The following SLC25A21 variants were observed in gnomAD, a reference collection of about 807,000 sequenced individuals.
SLC25A21 encodes solute carrier family 25 member 21.
SLC25A21 carries 47 observed loss-of-function variants against 43.8 expected under a neutral mutation model. That is an observed-to-expected ratio of 1.07 (90% confidence interval 0.85 to 1.37). The LOEUF (loss-of-function observed/expected upper bound fraction) is 1.37. Ranked by LOEUF, SLC25A21 falls within the 40% of genes most tolerant of loss-of-function variation. The pLI is 0.00. For missense variants in SLC25A21, 352 were observed against 350.2 expected (o/e 1.00, Z -0.04); for synonymous variants, 131 against 121.3 (o/e 1.08, Z -0.52).
intron 3 of SLC25A21, among the ~76,000 whole-genome samples, chr14:36,768,973 A>ATACCTG: frequency 6.7e-6 from 1 of 148,490 alleles, no homozygotes; most frequent in East Asian, 2.0e-4. Flanking sequence ...ATCTATATCT[A>ATACCTG]TATCTATATC....
intron 1 of SLC25A21, among the ~76,000 whole-genome samples, chr14:37,088,414 T>C (rs551983944): frequency 5.0e-4 from 76 of 152,200 alleles, no homozygotes; most frequent in Non-Finnish European, 9.7e-4. Flanking sequence ...TTAAAGAGAC[T>C]ACAAAAACCT....
At chr14:36,982,043 C>G (rs887768508) in intron 1 of SLC25A21, among the ~76,000 whole-genome samples, 4 of 152,092 alleles carry the variant, frequency 2.6e-5, no homozygotes, top group Admixed American at 1.3e-4. Flanking sequence ...TAAGGTATGA[C>G]TATAGTGATC....
rs186541176 is a variant in SLC25A21, at chr14:36,835,584, C to T, written c.120-21583G>A. 2.7e-3 allele frequency among the ~76,000 whole-genome samples: 413 copies of T among 152,332 alleles called. 5 individuals are homozygous for T. Among genetic ancestry groups the T allele is most frequent in the African/African-American group, 9.5e-3 (394 of 41,574 alleles). ...AGTCTTAACACAAACGTTTAGCCCA[C>T]AGAAGAGGCACTCTCCCCAAAACAC... On this transcript the variant is annotated intron_variant, in intron 2 of 9. Transcript: ENST00000331299.
At chr14:37,057,713 A>C (rs1961861106) in intron 1 of SLC25A21, among the ~76,000 whole-genome samples, 1 of 152,218 alleles carries the variant, frequency 6.6e-6, no homozygotes, top group African/African-American at 2.4e-5. Flanking sequence ...GAATTTTCAA[A>C]GAAGTAGAAG....
chr14:36,757,564 C>T (rs921724843), intron 3 of SLC25A21, among the ~76,000 whole-genome samples: 2 of 152,168 alleles, frequency 1.3e-5, no homozygotes, highest in Non-Finnish European at 2.9e-5. Flanking sequence ...GCCTTTTGTA[C>T]TTAATTGATA....
intron 1 of SLC25A21, among the ~76,000 whole-genome samples, chr14:37,142,581 G>A (rs1005695557): frequency 6.6e-6 from 1 of 152,034 alleles, no homozygotes; most frequent in Non-Finnish European, 1.5e-5. Flanking sequence ...AGGCTGATCC[G>A]GAACTCCTGG....
chr14:36,863,174 C>G (rs1433825129), intron 2 of SLC25A21, among the ~76,000 whole-genome samples: 1 of 152,022 alleles, frequency 6.6e-6, no homozygotes, highest in Non-Finnish European at 1.5e-5. Flanking sequence ...TCTGGAGAAC[C>G]CCACTGACAG....
At chr14:37,015,812 A>C (rs1289597112) in intron 1 of SLC25A21, among the ~76,000 whole-genome samples, 1 of 152,020 alleles carries the variant, frequency 6.6e-6, no homozygotes, top group Non-Finnish European at 1.5e-5. Flanking sequence ...GCATTTTTTC[A>C]TGTGTTTTTT....
At chr14:37,134,189 C>A (rs886547353) in intron 1 of SLC25A21, among the ~76,000 whole-genome samples, 1 of 152,102 alleles carries the variant, frequency 6.6e-6, no homozygotes, top group African/African-American at 2.4e-5. Flanking sequence ...GAATAAAGAT[C>A]AGAATAACCA....
chr14:37,024,641 A>T (rs989443749), intron 1 of SLC25A21, among the ~76,000 whole-genome samples: 2 of 150,488 alleles, frequency 1.3e-5, no homozygotes, highest in African/African-American at 2.5e-5. Context: ...ATATTGCTTT[A>T]AAAAAAAACA....
chr14:37,021,898 A>G (rs1006229361), intron 1 of SLC25A21, among the ~76,000 whole-genome samples: 1 of 151,998 alleles, frequency 6.6e-6, no homozygotes, highest in Admixed American at 6.6e-5. Flanking sequence ...AACAAGCCCA[A>G]CAAAGTGTAT....
chr14:36,799,383 A>G (rs1165625462), intron 3 of SLC25A21, among the ~76,000 whole-genome samples: 1 of 152,200 alleles, frequency 6.6e-6, no homozygotes, highest in Admixed American at 6.6e-5. Context: ...TTTAAGGAGA[A>G]AGATGGAACA....
intron 7 of SLC25A21, among the ~76,000 whole-genome samples, chr14:36,706,729 A>G (rs1046557244): frequency 1.3e-5 from 2 of 152,066 alleles, no homozygotes; most frequent in Admixed American, 6.6e-5. Context: ...CCATCACCAC[A>G]TCCTGCAGAT....
chr14:36,751,924 T>C (rs79766174), intron 3 of SLC25A21, among the ~76,000 whole-genome samples: 137 of 152,344 alleles, frequency 9.0e-4, no homozygotes, highest in African/African-American at 3.2e-3. Context: ...TTGGAGTCTA[T>C]ATTTGGAATG....
chr14:36,843,252 G>A (rs1348348193), intron 2 of SLC25A21, among the ~76,000 whole-genome samples: 2 of 152,160 alleles, frequency 1.3e-5, no homozygotes, highest in African/African-American at 4.8e-5. Context: ...GCCAGAGAGG[G>A]AAGAAACTGG....
intron 1 of SLC25A21, among the ~76,000 whole-genome samples, chr14:37,062,622 G>A (rs1961973008): frequency 6.6e-6 from 1 of 152,140 alleles, no homozygotes; most frequent in African/African-American, 2.4e-5. Context: ...ACACTTCAGT[G>A]TATAACCAGG....
chr14:37,046,287 C>A (rs1205877511), intron 1 of SLC25A21, among the ~76,000 whole-genome samples: 2 of 152,128 alleles, frequency 1.3e-5, no homozygotes, highest in Non-Finnish European at 2.9e-5. Flanking sequence ...CATATATGAT[C>A]TCTTAATTGC....
rs146847255 is a variant in SLC25A21 at position 36,708,823 on chromosome 14, A to G, written c.603+2495T>C. ...CTGTCTCAACTCTTGGCCTCAAGCA[A>G]TCCTCCTGACTCAGCCTCCCGAAGT... is the stretch of plus-strand genomic sequence containing the variant. On this transcript the variant is annotated intron_variant, in intron 7 of 9. Transcript: ENST00000331299. 2.3e-3 allele frequency among the ~76,000 whole-genome samples: 339 copies of G among 149,292 alleles called. 4 individuals carry two copies. Among genetic ancestry groups the G allele is most frequent in the African/African-American group, 7.6e-3 (309 of 40,412 alleles).
chr14:36,746,130 A>G (rs190426065), intron 3 of SLC25A21, among the ~76,000 whole-genome samples: 30 of 152,264 alleles, frequency 2.0e-4, no homozygotes, highest in African/African-American at 7.0e-4. Flanking sequence ...AAAAAGCATC[A>G]TATCAAAAAG....
Sources: gnomAD v4.1 joint callset for allele counts (sites outside exome capture counted in the v4.1 genomes callset) on GRCh38, gnomAD v4.1.1 for gene constraint, MANE v1.5 for transcripts, NCBI Gene and HGNC (gene_info 2026-07-23, HGNC 2026-07-21) for gene names.